The following ANKS1B variants were observed in gnomAD, a reference collection of about 807,000 sequenced individuals.
ANKS1B encodes ankyrin repeat and sterile alpha motif domain containing 1B.
Under a neutral mutation model 148.3 loss-of-function variants are expected in ANKS1B, and 36 were observed. The ratio of observed to expected loss-of-function variants is 0.24; its 90% confidence interval spans 0.19 to 0.32. The LOEUF is 0.32. Ranked by LOEUF, ANKS1B falls within the 10% of genes least tolerant of loss-of-function variation. The pLI is 1.00. For synonymous variants in ANKS1B, 542 were observed against 560.8 expected, an observed-to-expected ratio of 0.97 and a Z score of 0.47; for missense variants, 1,157 against 1,542.6, an observed-to-expected ratio of 0.75 and a Z score of 4.19.
intron 1 of ANKS1B, among the ~76,000 whole-genome samples, chr12:99,963,133 G>A (rs952622178): frequency 2.0e-5 from 3 of 152,082 alleles, no homozygotes; most frequent in East Asian, 1.9e-4. Context: ...TTTTTTACCC[G>A]TGTGTTGGCC....
intron 24 of ANKS1B, among the ~76,000 whole-genome samples, chr12:98,777,344 A>G (rs1277041893): frequency 6.6e-6 from 1 of 152,244 alleles, no homozygotes; most frequent in Admixed American, 6.5e-5. Context: ...CAAAACAACA[A>G]TGAAAGCAAA....
In ANKS1B at chr12:99,541,267, C is replaced by T. The variant is rs77589197; in HGVS notation, c.1273-36626G>A. On this transcript the variant is annotated intron_variant, in intron 9 of 26. Transcript: ENST00000683438. ...AACAAAAAACACAAAAAAGGAAACACTTTCAAATTCATTTTAGGAATCTTG... is the reference window on the plus strand; with the variant it reads ...AACAAAAAACACAAAAAAGGAAACATTTTCAAATTCATTTTAGGAATCTTG... Among the ~76,000 whole-genome samples, 196 of 152,166 alleles carry T rather than the reference C, an allele frequency of 1.3e-3. 8 individuals are homozygous for T. The East Asian group carries it at 0.035, about 27-fold the overall frequency.
intron 9 of ANKS1B, among the ~76,000 whole-genome samples, chr12:99,521,353 T>G (rs12319873): frequency 0.041 from 6,268 of 152,300 alleles, 444 homozygotes; most frequent in African/African-American, 0.15. Flanking sequence ...TCTGTCTGAA[T>G]GGTCATGTAC....
chr12:99,697,109 G>C (rs2054051292), intron 8 of ANKS1B, among the ~76,000 whole-genome samples: 1 of 152,142 alleles, frequency 6.6e-6, no homozygotes, highest in East Asian at 1.9e-4. Flanking sequence ...GGAGCAACAG[G>C]AACTCTCATT....
chr12:98,845,965 CATATATAT>C (rs149926433), intron 17 of ANKS1B, among the ~76,000 whole-genome samples: 8 of 98,678 alleles, frequency 8.1e-5, no homozygotes, highest in African/African-American at 2.6e-4. Flanking sequence ...TAGAATTCTT[CATATATAT>C]ATATATACAC....
At chr12:98,740,383 T>C (rs2097792257), downstream of ANKS1B, among the ~76,000 whole-genome samples, 1 of 152,198 alleles carries the variant, frequency 6.6e-6, no homozygotes. Context: ...CTGCGATGTC[T>C]GCCAATGCAG....
At chr12:99,466,103 G>T (rs1032485075) in intron 10 of ANKS1B, among the ~76,000 whole-genome samples, 1 of 152,134 alleles carries the variant, frequency 6.6e-6, no homozygotes, top group Non-Finnish European at 1.5e-5. Context: ...AGACCACAGT[G>T]CAATCAAACT....
chr12:99,730,778 T>C (rs2059061232), intron 8 of ANKS1B, among the ~76,000 whole-genome samples: 1 of 152,186 alleles, frequency 6.6e-6, no homozygotes, highest in Admixed American at 6.5e-5. Flanking sequence ...AGGGTCTCAG[T>C]TCCCCATAGA....
At chr12:99,175,415 A>G (rs2078267657) in intron 14 of ANKS1B, among the ~76,000 whole-genome samples, 1 of 152,254 alleles carries the variant, frequency 6.6e-6, no homozygotes, top group Non-Finnish European at 1.5e-5. Context: ...TTTCATATAC[A>G]TCTTGTACAC....
chr12:99,091,373 C>A (rs766905324), intron 15 of ANKS1B, among the ~76,000 whole-genome samples: 1 of 152,074 alleles, frequency 6.6e-6, no homozygotes, highest in East Asian at 1.9e-4. Context: ...GTTAAAGTAT[C>A]GAGCAGGATT....
In ANKS1B at chr12:99,915,826, G is replaced by C. The variant is rs575109307; in HGVS notation, c.134+68278C>G. ...AAGACATTGTTGGTTCCTTTTAAGG[G>C]CTGGGTGAATCTGTTCCATGACTCT... On this transcript the variant is annotated intron_variant, in intron 1 of 26. Coordinates refer to ENST00000683438, the MANE Select transcript of ANKS1B (RefSeq NM_001352186.2). Among the ~76,000 whole-genome samples the C allele has an allele frequency of 4.6e-5, 7 of 152,292 alleles. No homozygotes were observed. In the East Asian group the frequency reaches 1.3e-3, roughly 29 times the overall value.
At chr12:99,234,253 G>T (rs2087429924) in intron 14 of ANKS1B, among the ~76,000 whole-genome samples, 1 of 152,022 alleles carries the variant, frequency 6.6e-6, no homozygotes, top group African/African-American at 2.4e-5. Context: ...CAATTGTCAA[G>T]CAAAAGCAGT....
At chr12:98,813,205 G>GT (rs1204864253) in intron 19 of ANKS1B, among the ~76,000 whole-genome samples, 3 of 151,026 alleles carry the variant, frequency 2.0e-5, no homozygotes, top group Admixed American at 6.6e-5. Context: ...AGTGAGTTAA[G>GT]TTTTTTTGTT....
At chr12:99,859,205 C>T (rs1477798760) in intron 1 of ANKS1B, among the ~76,000 whole-genome samples, 1 of 152,180 alleles carries the variant, frequency 6.6e-6, no homozygotes, top group Non-Finnish European at 1.5e-5. Context: ...GAGAAGTTGT[C>T]ACATTTAATC....
chr12:99,064,033 T>C (rs1332110388), intron 16 of ANKS1B, among the ~76,000 whole-genome samples: 4 of 152,118 alleles, frequency 2.6e-5, no homozygotes, highest in Non-Finnish European at 5.9e-5. Context: ...CTACAGAAAG[T>C]GGTAACCCCT....
chr12:99,824,223 G>C (rs1353238307), intron 2 of ANKS1B, among the ~76,000 whole-genome samples: 1 of 152,116 alleles, frequency 6.6e-6, no homozygotes, highest in East Asian at 1.9e-4. Flanking sequence ...AAAGACTAAA[G>C]TGAGGGCCAG....
intron 10 of ANKS1B, among the ~76,000 whole-genome samples, chr12:99,498,602 T>G (rs1321007806): frequency 1.3e-5 from 2 of 152,196 alleles, no homozygotes; most frequent in Non-Finnish European, 2.9e-5. Context: ...TCCTTAATTT[T>G]AACACATTCT....
At chr12:99,153,828 A>G (rs1206073675) in intron 15 of ANKS1B, among the ~76,000 whole-genome samples, 1 of 152,194 alleles carries the variant, frequency 6.6e-6, no homozygotes, top group Non-Finnish European at 1.5e-5. Flanking sequence ...CTGCTTATTG[A>G]ACAATTATCA....
intron 8 of ANKS1B, among the ~76,000 whole-genome samples, chr12:99,659,033 A>G (rs2098463473): frequency 6.6e-6 from 1 of 152,208 alleles, no homozygotes; most frequent in African/African-American, 2.4e-5. Flanking sequence ...AGAAAATTTT[A>G]CTAATATTAA....
Sources: allele counts gnomAD v4.1 joint callset (sites outside exome capture counted in the v4.1 genomes callset), GRCh38; gene constraint gnomAD v4.1.1; transcripts MANE v1.5; gene names NCBI Gene and HGNC (gene_info 2026-07-23, HGNC 2026-07-21).